The following MAP4K5 variants were observed in gnomAD, a reference collection of about 807,000 sequenced individuals.
The protein encoded by MAP4K5 is MAPK/ERK kinase kinase kinase 5.
A neutral mutation model predicts 135.6 loss-of-function variants in MAP4K5; 82 were observed. The ratio of observed to expected loss-of-function variants is 0.60; its 90% CI spans 0.51 to 0.73. The LOEUF is 0.73. Ranked by LOEUF, MAP4K5 falls within the 30% of genes least tolerant of loss-of-function variation. The probability of loss-of-function intolerance (pLI) is 0.00; values close to 1 mark genes in which losing one functional copy is unlikely to be tolerated. For missense variants in MAP4K5, 907 were observed against 1,010.9 expected (o/e 0.90, Z 1.39); for synonymous variants, 347 against 335.0 (o/e 1.04, Z -0.39).
Position 50,445,409 on chromosome 14 carries a change from A to G in MAP4K5, c.1186-215T>C, listed in dbSNP as rs1039114230. ...AACTGATAAAATTTTTATAACTAAT[A>G]TAATTATATAAAAATCCACAAAACA... On this transcript the variant is annotated intron_variant, in intron 17 of 32. Coordinates refer to ENST00000682126, the MANE Select transcript of MAP4K5 (RefSeq NM_006575.6). Among the ~76,000 whole-genome samples the G allele has an allele frequency of 8.7e-5, 13 of 149,792 alleles. No individual in the cohort carries two copies. In the East Asian group the frequency reaches 1.7e-3, roughly 20 times the overall value.
intron 1 of MAP4K5, among the ~76,000 whole-genome samples, chr14:50,552,797 A>T (rs1241920931): frequency 6.6e-6 from 1 of 152,224 alleles, no homozygotes; most frequent in Non-Finnish European, 1.5e-5. Context: ...GTGCTGGGAT[A>T]ACTGGCAAGC....
chr14:50,526,386 G>C (rs996489941), intron 2 of MAP4K5, among the ~76,000 whole-genome samples: 1 of 152,040 alleles, frequency 6.6e-6, no homozygotes, highest in African/African-American at 2.4e-5. Flanking sequence ...TGCAACCTCC[G>C]ACCCCCGGGT....
upstream of MAP4K5, among the ~76,000 whole-genome samples, chr14:50,534,656 C>T (rs2038470448): frequency 6.6e-6 from 1 of 152,176 alleles, no homozygotes; most frequent in Non-Finnish European, 1.5e-5. Flanking sequence ...AGGCAGATAG[C>T]ATGGAAAAAG....
chr14:50,481,697 A>C (rs573823640), intron 6 of MAP4K5, among the ~76,000 whole-genome samples: 46 of 152,290 alleles, frequency 3.0e-4, no homozygotes, highest in African/African-American at 1.1e-3. Flanking sequence ...ATAAATTGGG[A>C]GAAATACCAC....
intron 30 of MAP4K5, among the ~76,000 whole-genome samples, chr14:50,426,747 TA>T (rs2035856721): frequency 6.6e-6 from 1 of 152,064 alleles, no homozygotes; most frequent in Non-Finnish European, 1.5e-5. Context: ...AAATAAAAAA[TA>T]AAATAAAATA....
At position 50,525,622 on chromosome 14, in the gene MAP4K5, G is replaced by A. The variant is rs549709340; in HGVS notation, c.108+6320C>T. On this transcript the variant is annotated intron_variant, in intron 2 of 32. Coordinates refer to ENST00000682126, the MANE Select transcript of MAP4K5 (RefSeq NM_006575.6). ...AGGCAGAGGTGGATGGATTGCTTGA[G>A]CCTCCGAGTTCAAGACCAGCCTGGG... Among the ~76,000 whole-genome samples the A allele has an allele frequency of 3.3e-5, 5 of 152,246 alleles. No individual in the cohort carries two copies. The South Asian group carries it at 8.3e-4, about 25-fold the overall frequency.
At chr14:50,499,466 T>G (rs1396551103) in intron 3 of MAP4K5, among the ~76,000 whole-genome samples, 1 of 152,104 alleles carries the variant, frequency 6.6e-6, no homozygotes, top group African/African-American at 2.4e-5. Context: ...AAGACCAACC[T>G]GGACAACATG....
At chr14:50,488,693 C>T (rs1246585567) in intron 3 of MAP4K5, among the ~76,000 whole-genome samples, 1 of 152,166 alleles carries the variant, frequency 6.6e-6, no homozygotes, top group African/African-American at 2.4e-5. Flanking sequence ...TGTGAGGTTT[C>T]TATCAGGCAA....
intron 3 of MAP4K5, among the ~76,000 whole-genome samples, chr14:50,491,024 G>C (rs2037473274): frequency 6.6e-6 from 1 of 152,062 alleles, no homozygotes; most frequent in African/African-American, 2.4e-5. Flanking sequence ...CGTGTATAAG[G>C]GTCCTCTGCA....
At chr14:50,441,467 A>G (rs897311385) in intron 21 of MAP4K5, among the ~76,000 whole-genome samples, 4 of 152,136 alleles carry the variant, frequency 2.6e-5, no homozygotes, top group African/African-American at 9.7e-5. Flanking sequence ...ATGAGGACTC[A>G]TTATACAAAC....
At chr14:50,470,256 TAG>T (rs1481514943) in intron 9 of MAP4K5, among the ~76,000 whole-genome samples, 1 of 152,024 alleles carries the variant, frequency 6.6e-6, no homozygotes, top group Non-Finnish European at 1.5e-5. Context: ...TATAGAAAGG[TAG>T]AGAGTGTGGC....
chr14:50,552,942 T>A (rs1371744839), intron 1 of MAP4K5, among the ~76,000 whole-genome samples: 1 of 152,110 alleles, frequency 6.6e-6, no homozygotes, highest in Non-Finnish European at 1.5e-5. Context: ...CTTATAGACA[T>A]GGGCTTAGGC....
chr14:50,494,548 T>A (rs2139975864), intron 3 of MAP4K5, among the ~76,000 whole-genome samples: 1 of 151,880 alleles, frequency 6.6e-6, no homozygotes, highest in East Asian at 1.9e-4. Flanking sequence ...CTGGTAACAT[T>A]TTTTTTTGCA....
chr14:50,426,070 T>A (rs138599378), intron 30 of MAP4K5, 93 bp from the exon 31 acceptor site: 171 of 769,598 alleles, frequency 2.2e-4, no homozygotes, highest in Middle Eastern at 7.7e-4. Context: ...ATAAGCCTAT[T>A]CAAGTGTCTA....
intron 2 of MAP4K5, among the ~76,000 whole-genome samples, chr14:50,528,402 TAAAAAA>T (rs5808556): frequency 9.3e-6 from 1 of 107,068 alleles, no homozygotes; most frequent in Non-Finnish European, 1.9e-5. Flanking sequence ...ACCTAAGGTG[TAAAAAA>T]AAAAAAAAAA....
At chr14:50,535,643 G>T (rs553396137), upstream of MAP4K5, among the ~76,000 whole-genome samples, 1 of 152,160 alleles carries the variant, frequency 6.6e-6, no homozygotes, top group African/African-American at 2.4e-5. Context: ...TCCAAATATA[G>T]GGCAATTTTT....
At chr14:50,446,165 G>T in intron 16 of MAP4K5, 44 bp from the exon 17 acceptor site, 3 of 1,279,080 alleles carry the variant, frequency 2.3e-6, no homozygotes, top group South Asian at 2.7e-5. Flanking sequence ...ATAAATGACC[G>T]TAACCGAAAA....
At chr14:50,462,602 A>T in intron 13 of MAP4K5, 63 bp downstream of exon 13, 1 of 1,142,798 alleles carries the variant, frequency 8.8e-7, no homozygotes, top group Non-Finnish European at 1.3e-6. Flanking sequence ...AAGAAAAAAA[A>T]GCAAACTTTA....
At position 50,442,930 on chromosome 14, in the gene MAP4K5, T is replaced by G. The variant is rs878908183; in HGVS notation, c.1480-114A>C. The G allele has an allele frequency of 1.8e-5, 11 of 611,860 alleles. No homozygotes were observed. The South Asian group carries it at 2.4e-4, about 13-fold the overall frequency. The allele number at this position is 611,860 out of a possible 1,614,324, so 37.9% of individuals were successfully genotyped here. A position where few individuals can be genotyped will look rare whatever the true frequency, so the allele number is the denominator to read the frequency against. On this transcript the variant is annotated intron_variant, in intron 20 of 32. Transcript: ENST00000682126. Reference sequence around the variant, plus strand: ...TTAACTCTTATTTGCGTATGCTTGTTGTTTCATTCCAAAACAAAATTCATA... The same window carrying G: ...TTAACTCTTATTTGCGTATGCTTGTGGTTTCATTCCAAAACAAAATTCATA...
Sources: allele counts gnomAD v4.1 joint callset (sites outside exome capture counted in the v4.1 genomes callset), GRCh38; gene constraint gnomAD v4.1.1; transcripts MANE v1.5; gene names NCBI Gene and HGNC (gene_info 2026-07-23, HGNC 2026-07-21).